Variants in TIMM29 observed in about 807,000 individuals in gnomAD.
TIMM29 encodes the protein mitochondrial import inner membrane translocase subunit Tim29.
Under a neutral mutation model 19.5 loss-of-function variants are expected in TIMM29, and 23 were observed. That is an observed-to-expected ratio of 1.18 (90% CI 0.85 to 1.67). The LOEUF is 1.67. Ranked by LOEUF, TIMM29 falls within the 40% of genes most tolerant of loss-of-function variation. The probability of loss-of-function intolerance (pLI) is 0.00; values close to 1 mark genes in which losing one functional copy is unlikely to be tolerated. For missense variants in TIMM29, 404 were observed against 384.7 expected (o/e 1.05, Z -0.42); for synonymous variants, 209 against 185.0 (o/e 1.13, Z -1.05).
At position 10,929,768 on chromosome 19, in the gene TIMM29, A is replaced by G; in HGVS notation, c.*66A>G. On this transcript the variant is annotated 3_prime_UTR_variant, in exon 2 of 2. Coordinates refer to ENST00000270502, the MANE Select transcript of TIMM29 (RefSeq NM_138358.4). ...GGTGGTGCAGTTCTGAGTGTGCCTC[A>G]CCTGCAGAACAGCTGAGACAGATGA... 1 of 1,430,098 alleles carries G rather than the reference A, an allele frequency of 7.0e-7. No homozygotes were observed. Among genetic ancestry groups the G allele is most frequent in the Non-Finnish European group, 9.4e-7 (1 of 1,062,144 alleles). 88.6% of individuals were successfully genotyped at this position (1,430,098 alleles called of 1,614,324 possible).
At position 10,929,817 on chromosome 19, in the gene TIMM29, A is replaced by T; in HGVS notation, c.*115A>T. The T allele has an allele frequency of 1.7e-6, 2 of 1,189,826 alleles. No individual in the cohort carries two copies. Among genetic ancestry groups the T allele is most frequent in the Non-Finnish European group, 1.1e-6 (1 of 869,780 alleles). The allele number at this position is 1,189,826 out of a possible 1,614,324, so 73.7% of individuals were successfully genotyped here. ...GATGTGCAAAGTGTTTTCTCACTGG[A>T]TTTGCACAAGTTTGGGGAGCCTTTC... On this transcript the variant is annotated 3_prime_UTR_variant, in exon 2 of 2. Transcript: ENST00000270502.
Position 10,929,469 on chromosome 19 carries a change from A to G in TIMM29, c.550A>G (p.Ile184Val). Residue 184 changes from isoleucine to valine, a missense_variant, in exon 2 of 2, where the codon ATC (isoleucine) becomes GTC (valine). Coordinates refer to ENST00000270502, the MANE Select transcript of TIMM29 (RefSeq NM_138358.4). ...GGGGGCCTGGATGCGCGACTGCGAC[A>G]TCAACGACGACGAATTCCTGCACCT... is the stretch of plus-strand genomic sequence containing the variant. ...VLGAWMRDCD[I>V]NDDEFLHLPA... is the part of the protein sequence containing the mutation. 6.2e-7 allele frequency: 1 copy of G among 1,612,966 alleles called. No individual in the cohort carries two copies. Among genetic ancestry groups the G allele is most frequent in the Non-Finnish European group, 8.5e-7 (1 of 1,180,006 alleles).
In TIMM29 at chr19:10,930,189, T is replaced by C. The variant is rs1320837353; in HGVS notation, c.*487T>C. The C allele has an allele frequency of 6.5e-6, 1 of 153,514 alleles. No individual in the cohort carries two copies. The highest frequency in any genetic ancestry group is 1.9e-4 in the East Asian group (1 of 5,224). The allele number at this position is 153,514 out of a possible 1,614,324, so 9.5% of individuals were successfully genotyped here. On this transcript the variant is annotated 3_prime_UTR_variant, in exon 2 of 2. Coordinates refer to ENST00000270502, the MANE Select transcript of TIMM29 (RefSeq NM_138358.4). ...CTAGAGTGACATAGCAAGACTCCGATGCTACAAAAAAGAATAATAATAGTA... is the reference window on the plus strand; with the variant it reads ...CTAGAGTGACATAGCAAGACTCCGACGCTACAAAAAAGAATAATAATAGTA...
At chr19:10,928,975 C>T in intron 1 of TIMM29, 39 bp from the exon 2 acceptor site, 5 of 1,465,610 alleles carry the variant, frequency 3.4e-6, no homozygotes, top group Non-Finnish European at 4.5e-6. Context: ...GGGTGGCCGC[C>T]GCGGCCGGAT....
rs2083479406 is a variant in TIMM29 at position 10,929,674 on chromosome 19, C to T, written c.755C>T (p.Ser252Leu). 1.9e-6 allele frequency: 3 copies of T among 1,610,246 alleles called. No individual in the cohort carries two copies. Among genetic ancestry groups the T allele is most frequent in the Non-Finnish European group, 2.5e-6 (3 of 1,178,208 alleles). Reference protein sequence around the residue: ...KDRLALSQAHSLVQAEAPR With the variant: ...KDRLALSQAHLLVQAEAPR ...AGGCTCGCCCTGAGCCAGGCCCACT[C>T]GCTGGTGCAGGCGGAGGCCCCGAGA... Residue 252 changes from serine to leucine, a missense_variant, in exon 2 of 2, where the codon TCG (serine) becomes TTG (leucine). Transcript: ENST00000270502.
rs761183840 is a variant in TIMM29, at chr19:10,929,540, G to C, written c.621G>C (p.Glu207Asp). 3 of 1,612,956 alleles carry C rather than the reference G, an allele frequency of 1.9e-6. No individual in the cohort carries two copies. The highest frequency in any genetic ancestry group is 3.3e-5 in the Admixed American group (2 of 60,006). ...RVVGPQQLHS[E>D]TNERLFDEKY... The stretch of plus-strand genomic sequence containing the variant: ...TCGGGCCCCAGCAGCTGCATTCCGA[G>C]ACCAACGAGCGGCTCTTCGATGAGA... Residue 207 changes from glutamate to aspartate, a missense_variant, in exon 2 of 2, where the codon GAG (glutamate) becomes GAC (aspartate). Physicochemically the swap from Glu to Asp is conservative, Grantham distance 45. Coordinates refer to ENST00000270502, the MANE Select transcript of TIMM29 (RefSeq NM_138358.4).
rs529184473 is a variant in TIMM29, at chr19:10,928,872, C to T, written c.50C>T (p.Ala17Val). 3 of 1,526,758 alleles carry T rather than the reference C, an allele frequency of 2.0e-6. No homozygotes were observed. The highest frequency in any genetic ancestry group is 1.2e-5 in the South Asian group (1 of 82,854). The allele number at this position is 1,526,758 out of a possible 1,614,324, so 94.6% of individuals were successfully genotyped here. ...TTTTGGTCCCGGCGCCGCGCAGAGG[C>T]GGGCGACGCGGTAGTGGCGAAGCCG... ...RRFWSRRRAE[A>V]GDAVVAKPGV... The change falls in exon 1 of 2, where the codon GCG becomes GTG. Residue 17 changes from alanine (A) to valine (V), a missense_variant. By Grantham distance (64) the Ala-to-Val change is moderately conservative. Coordinates refer to ENST00000270502, the MANE Select transcript of TIMM29 (RefSeq NM_138358.4).
rs1189623429 is a variant in TIMM29 at position 10,929,246 on chromosome 19, C to A, written c.327C>A (p.Phe109Leu). The part of the protein sequence containing the change: ...PATRNRESEA[F>L]VQRLLWLRGR... ...CCCGCAACCGCGAGTCCGAAGCCTT[C>A]GTGCAGAGGCTGCTCTGGCTGCGGG... Residue 109 changes from phenylalanine (F) to leucine (L), a missense_variant, in exon 2 of 2, where the codon TTC (phenylalanine) becomes TTA (leucine). Physicochemically the swap from Phe to Leu is conservative, Grantham distance 22. Coordinates refer to ENST00000270502, the MANE Select transcript of TIMM29 (RefSeq NM_138358.4). 6.6e-7 allele frequency: 1 copy of A among 1,526,450 alleles called. No individual in the cohort carries two copies. Among genetic ancestry groups the A allele is most frequent in the Non-Finnish European group, 8.8e-7 (1 of 1,140,994 alleles). 94.6% of individuals were successfully genotyped at this position (1,526,450 alleles called of 1,614,324 possible).
Position 10,929,517 on chromosome 19 carries a change from G to A in TIMM29, c.598G>A (p.Gly200Arg), listed in dbSNP as rs1488152148. 2 of 1,613,086 alleles carry A rather than the reference G, an allele frequency of 1.2e-6. No homozygotes were observed. The highest frequency in any genetic ancestry group is 2.2e-5 in the East Asian group (1 of 44,890). Residue 200 changes from glycine to arginine, a missense_variant, in exon 2 of 2, where the codon GGG becomes AGG. Coordinates refer to ENST00000270502, the MANE Select transcript of TIMM29 (RefSeq NM_138358.4). ...LHLPAHLRVV[G>R]PQQLHSETNE... Reference sequence around the variant, plus strand: ...CCTGCCGGCGCATTTGCGGGTGGTCGGGCCCCAGCAGCTGCATTCCGAGAC... The same window carrying A: ...CCTGCCGGCGCATTTGCGGGTGGTCAGGCCCCAGCAGCTGCATTCCGAGAC...
At position 10,929,608 on chromosome 19, in the gene TIMM29, CGCTGTGGGAGGAGCAGGT is replaced by C. The variant is rs2083478520; in HGVS notation, c.690_707del (p.Trp232_Leu237del). On this transcript the variant is annotated inframe_deletion, in exon 2 of 2. Transcript: ENST00000270502. The stretch of plus-strand genomic sequence containing the variant: ...CTCACCGACGATCAGGTGGACCAGG[CGCTGTGGGAGGAGCAGGT>C]CTTGCAGAAGGAGAAGAAGGACAGG... 6.2e-7 allele frequency: 1 copy of C among 1,612,906 alleles called. No individual in the cohort carries two copies. Among genetic ancestry groups the C allele is most frequent in the East Asian group, 2.2e-5 (1 of 44,878 alleles).
Position 10,929,304 on chromosome 19 carries a change from C to T in TIMM29, c.385C>T (p.Leu129Phe), listed in dbSNP as rs763468858. The change falls in exon 2 of 2, where the codon CTC (leucine) becomes TTC (phenylalanine). Residue 129 changes from leucine (L) to phenylalanine (F), a missense_variant. Transcript: ENST00000270502. The part of the protein sequence containing the change: ...RGRLRYVNLG[L>F]CSLVYEAPFD... The stretch of plus-strand genomic sequence containing the variant: ...CCGCCTGCGCTACGTCAACCTGGGG[C>T]TCTGCTCGCTGGTGTACGAGGCGCC... 4 of 1,547,338 alleles carry T rather than the reference C, an allele frequency of 2.6e-6. No homozygotes were observed. The highest frequency in any genetic ancestry group is 3.9e-5 in the Admixed American group (2 of 51,574).
Position 10,929,860 on chromosome 19 carries a change from C to A in TIMM29, c.*158C>A, listed in dbSNP as rs888465809. On this transcript the variant is annotated 3_prime_UTR_variant, in exon 2 of 2. Coordinates refer to ENST00000270502, the MANE Select transcript of TIMM29 (RefSeq NM_138358.4). ...AGCCTTTCTGCCCCCCGTCTTTGTTCTTTATTAGCTGAAGCTAATTCAGAG... is the reference window on the plus strand; with the variant it reads ...AGCCTTTCTGCCCCCCGTCTTTGTTATTTATTAGCTGAAGCTAATTCAGAG... 2 of 829,790 alleles carry A rather than the reference C, an allele frequency of 2.4e-6. No homozygotes were observed. The highest frequency in any genetic ancestry group is 1.8e-5 in the South Asian group (1 of 54,132). 51.4% of individuals were successfully genotyped at this position (829,790 alleles called of 1,614,324 possible). A position where few individuals can be genotyped will look rare whatever the true frequency, so the allele number is the denominator to read the frequency against.
chr19:10,929,051 G>T lies in TIMM29; in HGVS notation c.132G>T (p.Glu44Asp). The T allele has an allele frequency of 6.8e-7, 1 of 1,473,450 alleles. No homozygotes were observed. Among genetic ancestry groups the T allele is most frequent in the Non-Finnish European group, 8.9e-7 (1 of 1,126,274 alleles). 91.3% of individuals were successfully genotyped at this position (1,473,450 alleles called of 1,614,324 possible). Residue 44 changes from glutamate to aspartate, a missense_variant, in exon 2 of 2, where the codon GAG (glutamate) becomes GAT (aspartate). Coordinates refer to ENST00000270502, the MANE Select transcript of TIMM29 (RefSeq NM_138358.4). ...WARALLRDYAEACRDASAEAR... is the reference protein window; with the variant it reads ...WARALLRDYADACRDASAEAR... ...GCGCGCTGCTCCGGGACTACGCCGA[G>T]GCCTGCAGGGACGCTTCGGCGGAGG...
chr19:10,929,967 A>G lies in TIMM29; in HGVS notation c.*265A>G, dbSNP rs993935389. 2.2e-6 allele frequency: 1 copy of G among 453,936 alleles called. No homozygotes were observed. The highest frequency in any genetic ancestry group is 2.0e-5 in the African/African-American group (1 of 50,150). The allele number at this position is 453,936 out of a possible 1,614,324, so 28.1% of individuals were successfully genotyped here. ...GCAGAGCTGGTCATGAGCCTTTTATATAAGCCTTTTTCATCGGGCCTCAGA... is the reference window on the plus strand; with the variant it reads ...GCAGAGCTGGTCATGAGCCTTTTATGTAAGCCTTTTTCATCGGGCCTCAGA... On this transcript the variant is annotated 3_prime_UTR_variant, in exon 2 of 2. Coordinates refer to ENST00000270502, the MANE Select transcript of TIMM29 (RefSeq NM_138358.4).
At position 10,929,238 on chromosome 19, in the gene TIMM29, G is replaced by A. The variant is rs2145287482; in HGVS notation, c.319G>A (p.Glu107Lys). ...GCCGGCCACCCGCAACCGCGAGTCC[G>A]AAGCCTTCGTGCAGAGGCTGCTCTG... ...LAPATRNRES[E>K]AFVQRLLWLR... The change falls in exon 2 of 2, where the codon GAA (glutamate) becomes AAA (lysine). Residue 107 changes from glutamate to lysine, a missense_variant. Coordinates refer to ENST00000270502, the MANE Select transcript of TIMM29 (RefSeq NM_138358.4). The A allele has an allele frequency of 6.6e-7, 1 of 1,515,588 alleles. No individual in the cohort carries two copies. Among genetic ancestry groups the A allele is most frequent in the Non-Finnish European group, 8.8e-7 (1 of 1,136,168 alleles). The allele number at this position is 1,515,588 out of a possible 1,614,324, so 93.9% of individuals were successfully genotyped here. A position where few individuals can be genotyped will look rare whatever the true frequency, so the allele number is the denominator to read the frequency against.
In TIMM29 at chr19:10,929,747, G is replaced by A. The variant is rs918549281; in HGVS notation, c.*45G>A. ...CCTGGCAAACTGCTTGCCTGGGGTG[G>A]TGCAGTTCTGAGTGTGCCTCACCTG... is the stretch of plus-strand genomic sequence containing the variant. On this transcript the variant is annotated 3_prime_UTR_variant, in exon 2 of 2. Transcript: ENST00000270502. The A allele has an allele frequency of 5.3e-6, 8 of 1,517,252 alleles. No individual in the cohort carries two copies. In the African/African-American group the frequency reaches 6.9e-5, roughly 13 times the overall value. The allele number at this position is 1,517,252 out of a possible 1,614,324, so 94.0% of individuals were successfully genotyped here. A position where few individuals can be genotyped will look rare whatever the true frequency, so the allele number is the denominator to read the frequency against.
At position 10,929,226 on chromosome 19, in the gene TIMM29, A is replaced by C. The variant is rs1433534410; in HGVS notation, c.307A>C (p.Asn103His). 2 of 1,493,958 alleles carry C rather than the reference A, an allele frequency of 1.3e-6. No individual in the cohort carries two copies. Among genetic ancestry groups the C allele is most frequent in the Non-Finnish European group, 1.8e-6 (2 of 1,127,542 alleles). 92.5% of individuals were successfully genotyped at this position (1,493,958 alleles called of 1,614,324 possible). A position where few individuals can be genotyped will look rare whatever the true frequency, so the allele number is the denominator to read the frequency against. ...TLLLLAPATR[N>H]RESEAFVQRL... ...CCTGCTGCTGGCGCCGGCCACCCGC[A>C]ACCGCGAGTCCGAAGCCTTCGTGCA... The change falls in exon 2 of 2, where the codon AAC becomes CAC. Residue 103 changes from asparagine to histidine, a missense_variant. Physicochemically the swap from Asn to His is moderately conservative, Grantham distance 68. Coordinates refer to ENST00000270502, the MANE Select transcript of TIMM29 (RefSeq NM_138358.4).
chr19:10,929,405 G>C lies in TIMM29; in HGVS notation c.486G>C (p.Arg162=). ...CCCGCTGGACCGACTTCCCCGGCCG[G>C]GTCCTGGACGTGGGCTTCGTGGGTC... is the stretch of plus-strand genomic sequence containing the variant. ...LQPRWTDFPG[R]VLDVGFVGRW... is the part of the protein sequence containing the mutation. Residue 162 remains arginine, a synonymous_variant, in exon 2 of 2, where the codon CGG becomes CGC. Transcript: ENST00000270502. The C allele has an allele frequency of 6.2e-7, 1 of 1,609,900 alleles. No individual in the cohort carries two copies. Among genetic ancestry groups the C allele is most frequent in the South Asian group, 1.1e-5 (1 of 90,974 alleles).
rs1271227874 is a variant in TIMM29, at chr19:10,929,331, T to A, written c.412T>A (p.Phe138Ile). ...GLCSLVYEAP[F>I]DAQASLYQAR... ...CTGCTCGCTGGTGTACGAGGCGCCC[T>A]TCGACGCCCAGGCCAGCCTCTACCA... The change falls in exon 2 of 2, where the codon TTC becomes ATC. Residue 138 changes from phenylalanine (F) to isoleucine (I), a missense_variant. Physicochemically the swap from Phe to Ile is conservative, Grantham distance 21. Transcript: ENST00000270502. 3.2e-6 allele frequency: 5 copies of A among 1,564,602 alleles called. No homozygotes were observed. In the African/African-American group the frequency reaches 5.4e-5, roughly 17 times the overall value.
Sources: allele counts gnomAD v4.1 joint callset, GRCh38; gene constraint gnomAD v4.1.1; transcripts MANE v1.5; gene names NCBI Gene and HGNC (gene_info 2026-07-23, HGNC 2026-07-21).